The following DMXL1 variants were observed in gnomAD, a reference collection of about 807,000 sequenced individuals.
DMXL1 encodes dmX-like protein 1.
In DMXL1, 99 loss-of-function variants were observed where a neutral mutation model predicts 319.2. The observed-to-expected ratio is 0.31, with a 90% CI of 0.26 to 0.37. DMXL1 has a LOEUF of 0.37. Among genes scored for constraint, DMXL1 ranks in the 10% least tolerant of loss-of-function variants. The pLI is 1.00. For synonymous variants in DMXL1, 1,385 were observed against 1,235.2 expected (o/e 1.12, Z -2.54); for missense variants, 3,745 against 3,595.6 (o/e 1.04, Z -1.06).
chr5:119,138,567 G>A lies in DMXL1; in HGVS notation c.2376+4178G>A, dbSNP rs151079585. Reference sequence around the variant, plus strand: ...AAAACAGAAGTGTTAAGCCAGGAACGATGGCTCATGCCTGTAGTCCCAGCA... The same window carrying A: ...AAAACAGAAGTGTTAAGCCAGGAACAATGGCTCATGCCTGTAGTCCCAGCA... On this transcript the variant is annotated intron_variant, in intron 13 of 43. Transcript: ENST00000539542. Among the ~76,000 whole-genome samples, 15 of 152,282 alleles carry A rather than the reference G, an allele frequency of 9.9e-5. No homozygotes were observed. In the East Asian group the frequency reaches 1.9e-3, roughly 20 times the overall value.
intron 42 of DMXL1, among the ~76,000 whole-genome samples, chr5:119,244,061 G>C (rs1789285711): frequency 6.6e-6 from 1 of 152,120 alleles, no homozygotes; most frequent in South Asian, 2.1e-4. Context: ...GTACTCCACC[G>C]AGGCTGGTAC....
At chr5:119,140,983 A>G (rs958575964) in intron 13 of DMXL1, among the ~76,000 whole-genome samples, 3 of 152,044 alleles carry the variant, frequency 2.0e-5, no homozygotes, top group Admixed American at 2.0e-4. Flanking sequence ...TTATCACATA[A>G]GGAGAACTGA....
At chr5:119,152,573 G>A (rs1770049773) in intron 19 of DMXL1, among the ~76,000 whole-genome samples, 1 of 152,132 alleles carries the variant, frequency 6.6e-6, no homozygotes, top group Non-Finnish European at 1.5e-5. Context: ...GATACTGTTA[G>A]TTCTCTTACT....
chr5:119,089,014 T>A (rs942113961), intron 1 of DMXL1, among the ~76,000 whole-genome samples: 6 of 151,870 alleles, frequency 4.0e-5, no homozygotes, highest in Non-Finnish European at 8.8e-5. Context: ...GTGGTTTTTT[T>A]AATTTCATGT....
intron 27 of DMXL1, 68 bp downstream of exon 27, chr5:119,177,552 TTTTA>T: frequency 5.7e-6 from 7 of 1,234,234 alleles, no homozygotes; most frequent in Non-Finnish European, 6.3e-6. Flanking sequence ...GTAGAAAGAC[TTTTA>T]GTTTTGCCAC....
intron 3 of DMXL1, among the ~76,000 whole-genome samples, chr5:119,103,082 A>AT (rs879844823): frequency 0.049 from 7,177 of 145,704 alleles, 537 homozygotes; most frequent in African/African-American, 0.16. Context: ...AAATTAAAAG[A>AT]TTTTTTTTTT....
At chr5:119,147,636 A>T in intron 17 of DMXL1, 166 bp downstream of exon 17, 1 of 514,966 alleles carries the variant, frequency 1.9e-6, no homozygotes, top group Non-Finnish European at 3.4e-6. Flanking sequence ...TTATGTTTTC[A>T]GATTACTCTG....
intron 43 of DMXL1, among the ~76,000 whole-genome samples, chr5:119,246,421 CCTT>C (rs891220030): frequency 2.6e-5 from 4 of 152,098 alleles, no homozygotes; most frequent in Non-Finnish European, 5.9e-5. Flanking sequence ...CACTTAACCT[CCTT>C]GTTACCTACA....
At chr5:119,102,317 A>G (rs1757443827) in intron 3 of DMXL1, 1 of 216,168 alleles carries the variant, frequency 4.6e-6, no homozygotes, top group South Asian at 8.0e-5. Flanking sequence ...ACCGTTGTCC[A>G]GCCATATGTG....
intron 38 of DMXL1, among the ~76,000 whole-genome samples, chr5:119,229,397 A>C (rs574784249): frequency 1.3e-5 from 2 of 152,294 alleles, no homozygotes; most frequent in South Asian, 2.1e-4. Flanking sequence ...AAAACTTTGC[A>C]CCAATGTACT....
Position 119,150,410 on chromosome 5 carries a change from A to G in DMXL1, c.4583A>G (p.Asp1528Gly), listed in dbSNP as rs1359029717. 1.9e-6 allele frequency: 3 copies of G among 1,609,416 alleles called. No homozygotes were observed. Among genetic ancestry groups the G allele is most frequent in the African/African-American group, 1.3e-5 (1 of 74,574 alleles). Reference protein sequence around the residue: ...TTSTDIGESRDRSQGGETLDE... With the variant: ...TTSTDIGESRGRSQGGETLDE... The stretch of plus-strand genomic sequence containing the variant: ...AGCACTGATATTGGAGAAAGCCGAG[A>G]CAGAAGCCAAGGTAAAACTAAACTC... The change falls in exon 18 of 44, where the codon GAC becomes GGC. Residue 1528 changes from aspartate to glycine, a missense_variant. Physicochemically the swap from Asp to Gly is moderately conservative, Grantham distance 94 (BLOSUM62 -1). Transcript: ENST00000539542.
chr5:119,194,759 A>C (rs1459900440), intron 30 of DMXL1, among the ~76,000 whole-genome samples: 4 of 152,214 alleles, frequency 2.6e-5, no homozygotes, highest in South Asian at 4.1e-4. Context: ...AAATAATTAA[A>C]AAAATGAACA....
intron 6 of DMXL1, among the ~76,000 whole-genome samples, chr5:119,115,133 A>G (rs989768513): frequency 2.0e-5 from 3 of 150,936 alleles, no homozygotes; most frequent in Non-Finnish European, 4.4e-5. Context: ...TTCTTTTCTC[A>G]TGTGTAATAT....
At chr5:119,140,429 A>T (rs1373464937) in intron 13 of DMXL1, among the ~76,000 whole-genome samples, 2 of 152,140 alleles carry the variant, frequency 1.3e-5, no homozygotes, top group African/African-American at 4.8e-5. Flanking sequence ...AGGGAATGTT[A>T]ACCACTGACT....
At chr5:119,210,953 C>T (rs1349521569) in intron 34 of DMXL1, among the ~76,000 whole-genome samples, 2 of 149,150 alleles carry the variant, frequency 1.3e-5, no homozygotes, top group Non-Finnish European at 1.5e-5. Flanking sequence ...CTTTGCATTC[C>T]TACTTTGTTA....
At chr5:119,094,993 C>T (rs1235445500) in intron 1 of DMXL1, among the ~76,000 whole-genome samples, 2 of 151,924 alleles carry the variant, frequency 1.3e-5, no homozygotes, top group Non-Finnish European at 2.9e-5. Context: ...GTAGCTGGGA[C>T]TACAGGCGTA....
At chr5:119,233,218 G>C in intron 38 of DMXL1, 122 bp from the exon 39 acceptor site, 2 of 989,746 alleles carry the variant, frequency 2.0e-6, no homozygotes, top group Admixed American at 5.1e-5. Flanking sequence ...TTCATACAAA[G>C]GTAAATTTAT....
At position 119,167,750 on chromosome 5, in the gene DMXL1, T is replaced by C. The variant is rs1204154795; in HGVS notation, c.5284T>C (p.Leu1762=). 3 of 1,613,602 alleles carry C rather than the reference T, an allele frequency of 1.9e-6. No individual in the cohort carries two copies. Among genetic ancestry groups the C allele is most frequent in the Middle Eastern group, 1.7e-4 (1 of 6,056 alleles). ...TTCTCCTGTCAGTGAACTGTGTTCA[T>C]TGAACATAAATATGCATCATGATCC... is the stretch of plus-strand genomic sequence containing the variant. ...IDSPVSELCS[L]NINMHHDPFL... The change falls in exon 23 of 44, where the codon TTG becomes CTG. Residue 1762 remains leucine (L), a synonymous_variant. Coordinates refer to ENST00000539542, the MANE Select transcript of DMXL1 (RefSeq NM_001290321.3).
intron 42 of DMXL1, among the ~76,000 whole-genome samples, chr5:119,241,514 G>A (rs925380318): frequency 1.1e-4 from 15 of 136,006 alleles, no homozygotes; most frequent in Admixed American, 1.6e-4. Context: ...CAGCCTGGGC[G>A]ACAGAGCAAG....
Sources: gnomAD v4.1 joint callset for allele counts (sites outside exome capture counted in the v4.1 genomes callset) on GRCh38, gnomAD v4.1.1 for gene constraint, MANE v1.5 for transcripts, NCBI Gene and HGNC (gene_info 2026-07-23, HGNC 2026-07-21) for gene names.